Variants in BCAS3 observed in about 807,000 individuals in gnomAD.
BCAS3 encodes the protein BCAS3 microtubule associated cell migration factor.
BCAS3 carries 53 observed loss-of-function variants against 116.1 expected under a neutral mutation model. The ratio of observed to expected loss-of-function variants is 0.46; its 90% CI spans 0.37 to 0.57. The LOEUF (loss-of-function observed/expected upper bound fraction) is 0.57. BCAS3 is among the 20% of genes least tolerant of loss of function. The pLI, the probability that BCAS3 is intolerant of heterozygous loss-of-function variation, is 0.00. For synonymous variants in BCAS3, 391 were observed against 408.2 expected (o/e 0.96, Z 0.51); for missense variants, 917 against 1,165.4 (o/e 0.79, Z 3.10).
intron 22 of BCAS3, among the ~76,000 whole-genome samples, chr17:61,176,038 C>CTGAGG (rs1255345497): frequency 3.4e-5 from 5 of 147,480 alleles, no homozygotes; most frequent in Non-Finnish European, 5.9e-5. Context: ...ACTCCGGAGG[C>CTGAGG]TGAGGTGGGA....
intron 7 of BCAS3, among the ~76,000 whole-genome samples, chr17:60,811,863 C>T (rs1480736740): frequency 6.6e-6 from 1 of 152,064 alleles, no homozygotes; most frequent in African/African-American, 2.4e-5. Flanking sequence ...GCCTGGGCAA[C>T]ATGGTGAAAC....
chr17:60,712,680 G>A (rs772310555), intron 5 of BCAS3, among the ~76,000 whole-genome samples: 16 of 152,266 alleles, frequency 1.1e-4, no homozygotes, highest in South Asian at 2.1e-4. Context: ...TAGAGGTGAA[G>A]GGAATTATCC....
chr17:60,700,243 G>A (rs1288668566), intron 4 of BCAS3, among the ~76,000 whole-genome samples: 2 of 152,100 alleles, frequency 1.3e-5, no homozygotes, highest in African/African-American at 2.4e-5. Flanking sequence ...AGGAAGCCAT[G>A]TATGCTTTTG....
rs983315927 is a variant in BCAS3, at chr17:60,829,777, A to G, written c.476+21701A>G. ...TTTATTGTTCCATGAACCTTTATTTATTGCCAATATATGAAATGATATAAT... is the reference window on the plus strand; with the variant it reads ...TTTATTGTTCCATGAACCTTTATTTGTTGCCAATATATGAAATGATATAAT... On this transcript the variant is annotated intron_variant, in intron 7 of 23. Transcript: ENST00000407086. Among the ~76,000 whole-genome samples, 5 of 152,090 alleles carry G rather than the reference A, an allele frequency of 3.3e-5. No individual in the cohort carries two copies. In the South Asian group the frequency reaches 1.0e-3, roughly 32 times the overall value.
At chr17:61,164,605 T>C (rs554514058) in intron 22 of BCAS3, among the ~76,000 whole-genome samples, 1 of 152,278 alleles carries the variant, frequency 6.6e-6, no homozygotes, top group Admixed American at 6.5e-5. Flanking sequence ...AGAGTGAGAT[T>C]CTGACTAAAG....
intron 19 of BCAS3, among the ~76,000 whole-genome samples, chr17:61,045,867 A>T (rs1316825828): frequency 1.3e-4 from 3 of 22,254 alleles, no homozygotes; most frequent in Admixed American, 7.9e-4. Flanking sequence ...ATATATATAA[A>T]TATATATAAA....
At chr17:60,958,372 T>G (rs1282228011) in intron 14 of BCAS3, among the ~76,000 whole-genome samples, 3 of 152,320 alleles carry the variant, frequency 2.0e-5, no homozygotes, top group African/African-American at 7.2e-5. Context: ...AAAAAACTAA[T>G]AAATGATTTT....
chr17:60,700,173 CAA>C (rs531616609), intron 4 of BCAS3, among the ~76,000 whole-genome samples: 3 of 121,550 alleles, frequency 2.5e-5, no homozygotes, highest in African/African-American at 4.4e-5. Flanking sequence ...GACCCTGTCT[CAA>C]AAAAAAAAAA....
intron 22 of BCAS3, among the ~76,000 whole-genome samples, chr17:61,301,580 T>C (rs1310355023): frequency 6.6e-6 from 1 of 152,120 alleles, no homozygotes. Context: ...GAGGTTGCAA[T>C]GAGCCGAGAT....
intron 13 of BCAS3, among the ~76,000 whole-genome samples, chr17:60,945,575 C>T (rs990416898): frequency 4.6e-5 from 7 of 151,904 alleles, no homozygotes; most frequent in African/African-American, 9.7e-5. Context: ...CTGAGGTAGG[C>T]GGATCTCTTG....
In BCAS3 at chr17:61,233,980, T is replaced by G. The variant is rs2082843730; in HGVS notation, c.2426-134347T>G. On this transcript the variant is annotated intron_variant, in intron 22 of 23. Transcript: ENST00000407086. The surrounding 1 kb of genome is among the most constrained non-coding windows in gnomAD (Gnocchi z 4.3). ...TGAGTATTACTAATATCAGGTTTGGTTTTTTTTTTTTTCACTTAGTACCCA... is the reference window on the plus strand; with the variant it reads ...TGAGTATTACTAATATCAGGTTTGGGTTTTTTTTTTTTCACTTAGTACCCA... Among the ~76,000 whole-genome samples, 1 of 141,286 alleles carries G rather than the reference T, an allele frequency of 7.1e-6. No individual in the cohort carries two copies. The highest frequency in any genetic ancestry group is 2.7e-5 in the African/African-American group (1 of 37,666). 92.7% of individuals were successfully genotyped at this position (141,286 alleles called of 152,430 possible).
In BCAS3 at chr17:61,346,506, G is replaced by A. The variant is rs989364324; in HGVS notation, c.2426-21821G>A. ...CTCTGTGGGATAGCAGCACATTCAAGCATTGACTGTGTATCAGGTGCTGTG... is the reference window on the plus strand; with the variant it reads ...CTCTGTGGGATAGCAGCACATTCAAACATTGACTGTGTATCAGGTGCTGTG... On this transcript the variant is annotated intron_variant, in intron 22 of 23. Coordinates refer to ENST00000407086, the MANE Select transcript of BCAS3 (RefSeq NM_017679.5). The surrounding 1 kb of genome is among the most constrained non-coding windows in gnomAD (Gnocchi z 5.4). 1.3e-5 allele frequency among the ~76,000 whole-genome samples: 2 copies of A among 152,162 alleles called. No homozygotes were observed. Among genetic ancestry groups the A allele is most frequent in the Admixed American group, 1.3e-4 (2 of 15,276 alleles).
At position 61,315,471 on chromosome 17, in the gene BCAS3, G is replaced by T. The variant is rs2054650104; in HGVS notation, c.2426-52856G>T. Among the ~76,000 whole-genome samples, 1 of 152,198 alleles carries T rather than the reference G, an allele frequency of 6.6e-6. No homozygotes were observed. Among genetic ancestry groups the T allele is most frequent in the Non-Finnish European group, 1.5e-5 (1 of 68,044 alleles). ...GGGCATGCAGAGCAGTCTCGGAGCG[G>T]ACGCTAGCTGGCAGCGGTGCCATTG... On this transcript the variant is annotated intron_variant, in intron 22 of 23. Transcript: ENST00000407086. This position sits in a 1 kb window ranked among gnomAD's most constrained non-coding sequence, Gnocchi z 5.3.
At chr17:60,930,646 C>T (rs568411136) in intron 13 of BCAS3, among the ~76,000 whole-genome samples, 4 of 152,138 alleles carry the variant, frequency 2.6e-5, no homozygotes, top group South Asian at 2.1e-4. Context: ...TTAGTAGAGA[C>T]GGGGTTTTGC....
Position 61,211,552 on chromosome 17 carries a change from TGGCCGAGAAAGGCAGACA to T in BCAS3, c.2425+126992_2425+127009del, listed in dbSNP as rs780954020. 2.6e-5 allele frequency among the ~76,000 whole-genome samples: 4 copies of T among 151,996 alleles called. No homozygotes were observed. The highest frequency in any genetic ancestry group is 5.9e-5 in the Non-Finnish European group (4 of 68,010). On this transcript the variant is annotated intron_variant, in intron 22 of 23. Transcript: ENST00000407086. The surrounding 1 kb of genome is among the most constrained non-coding windows in gnomAD (Gnocchi z 4.4). ...AAAGCACTGTCTACAACAGCAGAGG[TGGCCGAGAAAGGCAGACA>T]GGCTCTCCTGAGGCTGGTGTTGCAG...
chr17:60,701,813 A>AAAAAAAG (rs2036439271), intron 4 of BCAS3, among the ~76,000 whole-genome samples: 1 of 150,596 alleles, frequency 6.6e-6, no homozygotes, highest in Admixed American at 6.6e-5. Context: ...TACAAAAAAA[A>AAAAAAAG]AAAAAAAAGA....
At chr17:60,977,714 C>T (rs1328460059) in intron 14 of BCAS3, among the ~76,000 whole-genome samples, 2 of 149,416 alleles carry the variant, frequency 1.3e-5, no homozygotes, top group Admixed American at 6.7e-5. Flanking sequence ...CACCTGTTCT[C>T]ATTGTTCAAT....
intron 6 of BCAS3, among the ~76,000 whole-genome samples, chr17:60,775,527 G>T (rs2045197279): frequency 6.8e-6 from 1 of 147,074 alleles, no homozygotes; most frequent in South Asian, 2.1e-4. Flanking sequence ...TGTTGTTACT[G>T]TACTTTGCAG....
At chr17:61,202,728 G>T (rs2080910601) in intron 22 of BCAS3, among the ~76,000 whole-genome samples, 1 of 152,248 alleles carries the variant, frequency 6.6e-6, no homozygotes, top group South Asian at 2.1e-4. Flanking sequence ...AGAAGAATAT[G>T]AGATGAGCTA....
Sources: allele counts gnomAD v4.1 joint callset (sites outside exome capture counted in the v4.1 genomes callset), GRCh38; gene constraint gnomAD v4.1.1; non-coding constraint Gnocchi (gnomAD v3.1); transcripts MANE v1.5; gene names NCBI Gene and HGNC (gene_info 2026-07-23, HGNC 2026-07-21).